PRKACB: variants seen among roughly 807,000 people sequenced by gnomAD.
The protein encoded by PRKACB is cAMP-dependent protein kinase catalytic subunit beta.
Under a neutral mutation model 51.4 loss-of-function variants are expected in PRKACB, and 16 were observed. The ratio of observed to expected loss-of-function variants is 0.31; its 90% CI spans 0.21 to 0.47. The LOEUF is 0.47. PRKACB is among the 20% of genes least tolerant of loss of function. The pLI, the probability that PRKACB is intolerant of heterozygous loss-of-function variation, is 1.00. For synonymous variants in PRKACB, 147 were observed against 154.4 expected (o/e 0.95, Z 0.35); for missense variants, 309 against 464.5 (o/e 0.67, Z 3.08).
At chr1:84,086,011 C>G (rs1202484674) in intron 1 of PRKACB, 6 of 797,476 alleles carry the variant, frequency 7.5e-6, no homozygotes, top group Admixed American at 1.7e-5. Flanking sequence ...GTGGACCCTG[C>G]AAGATCCTGG....
intron 2 of PRKACB, among the ~76,000 whole-genome samples, chr1:84,180,212 A>ATATATATATATATATATATTTT: frequency 7.5e-6 from 1 of 133,204 alleles, no homozygotes; most frequent in African/African-American, 2.6e-5. Flanking sequence ...ATATATATGT[A>ATATATATATATATATATATTTT]TGATGGAGTA....
At chr1:84,136,543 C>G (rs2100572864) in intron 1 of PRKACB, among the ~76,000 whole-genome samples, 1 of 150,874 alleles carries the variant, frequency 6.6e-6, no homozygotes, top group South Asian at 2.1e-4. Context: ...CGATTGGTGA[C>G]AAAGATGCAG....
At chr1:84,232,507 TG>T (rs1007103711) in intron 9 of PRKACB, among the ~76,000 whole-genome samples, 6 of 152,284 alleles carry the variant, frequency 3.9e-5, no homozygotes, top group South Asian at 2.1e-4. Flanking sequence ...ATGTTGACAG[TG>T]GGGTGTTAAA....
At chr1:84,089,669 C>T (rs1033987295) in intron 1 of PRKACB, among the ~76,000 whole-genome samples, 3 of 152,168 alleles carry the variant, frequency 2.0e-5, no homozygotes, top group Non-Finnish European at 4.4e-5. Flanking sequence ...ATCATCACTG[C>T]ACCTCTGTTC....
intron 5 of PRKACB, among the ~76,000 whole-genome samples, chr1:84,192,908 G>C (rs7547892): frequency 6.6e-6 from 1 of 151,818 alleles, no homozygotes; most frequent in African/African-American, 2.4e-5. Flanking sequence ...TGCCAAATAC[G>C]TAAGAGCCAA....
chr1:84,191,591 A>G (rs1464969709), intron 5 of PRKACB, among the ~76,000 whole-genome samples: 5 of 152,120 alleles, frequency 3.3e-5, no homozygotes, highest in African/African-American at 1.2e-4. Flanking sequence ...AAATCCAAAT[A>G]CTTCATGTTT....
rs1010162685 is a variant in PRKACB at position 84,223,588 on chromosome 1, C to T, written c.1071+9271C>T. On this transcript the variant is annotated intron_variant, in intron 9 of 9. Coordinates refer to ENST00000370685, the MANE Select transcript of PRKACB (RefSeq NM_182948.4). ...GTTTCACCATGTTAGCCAGGATGGT[C>T]TCGATCTCCTGACCTCATGATCCAC... Among the ~76,000 whole-genome samples the T allele has an allele frequency of 3.9e-5, 6 of 152,014 alleles. No individual in the cohort carries two copies. The South Asian group carries it at 6.2e-4, about 16-fold the overall frequency.
chr1:84,187,219 G>T (rs1431134116), intron 5 of PRKACB, among the ~76,000 whole-genome samples: 1 of 152,038 alleles, frequency 6.6e-6, no homozygotes, highest in Non-Finnish European at 1.5e-5. Context: ...ATTGTGTTAA[G>T]GATATTGTCG....
In PRKACB at chr1:84,139,242, C is replaced by G. The variant is rs575228341; in HGVS notation, c.47-39935C>G. ...GCATACAGATTAGAAATAAATAGTT[C>G]CTGTTGAAAGACGACATGACTGCCT... On this transcript the variant is annotated intron_variant, in intron 1 of 8. Coordinates refer to the PRKACB transcript ENST00000370688. Among the ~76,000 whole-genome samples the G allele has an allele frequency of 7.9e-5, 12 of 152,128 alleles. No individual in the cohort carries two copies. In the South Asian group the frequency reaches 1.2e-3, roughly 16 times the overall value.
At chr1:84,157,294 T>A (rs1233863408) in intron 1 of PRKACB, 1 of 152,160 alleles carries the variant, frequency 6.6e-6, no homozygotes, top group Non-Finnish European at 1.5e-5. Context: ...AGCCTTACAT[T>A]TGCATAATTA....
At chr1:84,129,179 T>G (rs768720252) in intron 1 of PRKACB, among the ~76,000 whole-genome samples, 14 of 152,152 alleles carry the variant, frequency 9.2e-5, no homozygotes, top group Non-Finnish European at 1.9e-4. Flanking sequence ...AAGATCATTG[T>G]TTTTGCATAT....
chr1:84,213,308 TGGTACCCATTTTAATTTTTTA>T, intron 8 of PRKACB, among the ~76,000 whole-genome samples: 1 of 152,282 alleles, frequency 6.6e-6, no homozygotes, highest in African/African-American at 2.4e-5. Context: ...CATCCTTTGG[TGGTACCCATTTTAATTTTTTA>T]GGTACCCATA....
intron 8 of PRKACB, among the ~76,000 whole-genome samples, chr1:84,205,590 C>G (rs893104536): frequency 3.3e-5 from 5 of 151,788 alleles, no homozygotes; most frequent in African/African-American, 1.2e-4. Context: ...ATTATATCCA[C>G]CATTCTGAAG....
At chr1:84,084,637 A>C (rs1647817800) in intron 1 of PRKACB, among the ~76,000 whole-genome samples, 1 of 152,126 alleles carries the variant, frequency 6.6e-6, no homozygotes, top group Non-Finnish European at 1.5e-5. Context: ...AATGGGAGAA[A>C]TTTGAAAAAT....
At chr1:84,110,205 TAAC>T (rs1650107776) in intron 1 of PRKACB, among the ~76,000 whole-genome samples, 1 of 151,794 alleles carries the variant, frequency 6.6e-6, no homozygotes, top group Non-Finnish European at 1.5e-5. Flanking sequence ...CAGTAAAAGA[TAAC>T]AATACAACAA....
chr1:84,119,762 AG>A (rs994412661), intron 1 of PRKACB, among the ~76,000 whole-genome samples: 3 of 152,150 alleles, frequency 2.0e-5, no homozygotes, highest in Non-Finnish European at 2.9e-5. Flanking sequence ...CATATAGCAT[AG>A]CAAGGTGGCA....
chr1:84,208,684 T>C (rs1671706102), intron 8 of PRKACB, among the ~76,000 whole-genome samples: 1 of 152,196 alleles, frequency 6.6e-6, no homozygotes, highest in Admixed American at 6.6e-5. Flanking sequence ...ATCATTAAAA[T>C]AGTATTCTAA....
At position 84,153,666 on chromosome 1, in the gene PRKACB, T is replaced by G. The variant is rs566952661; in HGVS notation, c.187+9118T>G. Among the ~76,000 whole-genome samples, 22 of 152,308 alleles carry G rather than the reference T, an allele frequency of 1.4e-4. 1 individual carries two copies. The South Asian group carries it at 2.9e-3, about 20-fold the overall frequency. On this transcript the variant is annotated intron_variant, in intron 1 of 9. Transcript: ENST00000370685. The stretch of plus-strand genomic sequence containing the variant: ...TCCACATGTGTGACATTATGCAATA[T>G]TTGTGTTTCTGTGTCTGCCTTATTT...
At chr1:84,186,024 GT>G (rs1664989457) in intron 5 of PRKACB, among the ~76,000 whole-genome samples, 1 of 152,052 alleles carries the variant, frequency 6.6e-6, no homozygotes, top group Non-Finnish European at 1.5e-5. Flanking sequence ...ATGTTTATTT[GT>G]TTTGAAACAA....
Sources: allele counts gnomAD v4.1 joint callset (sites outside exome capture counted in the v4.1 genomes callset), GRCh38; gene constraint gnomAD v4.1.1; transcripts MANE v1.5; gene names NCBI Gene and HGNC (gene_info 2026-07-23, HGNC 2026-07-21).